The following SLC4A10 variants were observed in gnomAD, a reference collection of about 807,000 sequenced individuals.
SLC4A10 encodes solute carrier family 4 member 10.
In SLC4A10, 42 loss-of-function variants were observed where a neutral mutation model predicts 137.7. The ratio of observed to expected loss-of-function variants is 0.30; its 90% CI spans 0.24 to 0.39. SLC4A10 has a LOEUF of 0.39. Ranked by LOEUF, SLC4A10 falls within the 10% of genes least tolerant of loss-of-function variation. The probability of loss-of-function intolerance (pLI) is 1.00; values close to 1 mark genes in which losing one functional copy is unlikely to be tolerated. For synonymous variants in SLC4A10, 474 were observed against 464.1 expected, an observed-to-expected ratio of 1.02 and a Z score of -0.27; for missense variants, 925 against 1,355.0, an observed-to-expected ratio of 0.68 and a Z score of 4.98.
intron 4 of SLC4A10, among the ~76,000 whole-genome samples, chr2:161,848,894 A>G (rs115797153): frequency 6.6e-6 from 1 of 151,762 alleles, no homozygotes; most frequent in Non-Finnish European, 1.5e-5. Flanking sequence ...GAATTTTAGA[A>G]TTTTTTTCTA....
chr2:161,630,401 T>A (rs886475842), intron 1 of SLC4A10, among the ~76,000 whole-genome samples: 1 of 79,048 alleles, frequency 1.3e-5, no homozygotes, highest in African/African-American at 4.8e-5. Flanking sequence ...TTTTGGAAGG[T>A]TATTCATTGT....
At position 161,928,929 on chromosome 2, in the gene SLC4A10, C is replaced by T. The variant is rs548230180; in HGVS notation, c.1998-13863C>T. On this transcript the variant is annotated intron_variant, in intron 15 of 26. Transcript: ENST00000446997. ...GTACATGGAGGTATTCACATATCTA[C>T]GATAGTGCTATCTTTCTCCCTCGTT... 1.4e-4 allele frequency among the ~76,000 whole-genome samples: 22 copies of T among 152,240 alleles called. No homozygotes were observed. The East Asian group carries it at 2.1e-3, about 15-fold the overall frequency.
chr2:161,855,348 A>G (rs2060041750), intron 5 of SLC4A10, among the ~76,000 whole-genome samples: 1 of 152,160 alleles, frequency 6.6e-6, no homozygotes, highest in Admixed American at 6.6e-5. Flanking sequence ...AGTCTAGGAC[A>G]AGAACCTAGA....
chr2:161,835,478 A>G (rs999935475), intron 3 of SLC4A10, among the ~76,000 whole-genome samples: 1 of 152,090 alleles, frequency 6.6e-6, no homozygotes, highest in Admixed American at 6.5e-5. Context: ...GCTTCAGACG[A>G]TTTCGGAGAG....
At chr2:161,943,862 A>G (rs13022438) in intron 16 of SLC4A10, among the ~76,000 whole-genome samples, 40,668 of 151,836 alleles carry the variant, frequency 0.27, 6,967 homozygotes, top group Admixed American at 0.39. Context: ...TTGTACAGAT[A>G]CTATAAAACT....
intron 1 of SLC4A10, among the ~76,000 whole-genome samples, chr2:161,729,520 TA>T (rs934129767): frequency 5.3e-5 from 8 of 152,082 alleles, no homozygotes; most frequent in South Asian, 2.1e-4. Context: ...AAGTTTTTTT[TA>T]AAAAAAATTG....
At chr2:161,847,084 A>C (rs1399444114) in intron 4 of SLC4A10, among the ~76,000 whole-genome samples, 2 of 119,880 alleles carry the variant, frequency 1.7e-5, no homozygotes, top group Non-Finnish European at 3.5e-5. Context: ...TTAAAAAAAT[A>C]CAAAAAAAAA....
rs942236501 is a variant in SLC4A10, at chr2:161,983,524, C to T, written c.*372C>T. 4 of 341,184 alleles carry T rather than the reference C, an allele frequency of 1.2e-5. No homozygotes were observed. The highest frequency in any genetic ancestry group is 8.5e-5 in the African/African-American group (4 of 46,882). The allele number at this position is 341,184 out of a possible 1,614,324, so 21.1% of individuals were successfully genotyped here. A position where few individuals can be genotyped will look rare whatever the true frequency, so the allele number is the denominator to read the frequency against. On this transcript the variant is annotated 3_prime_UTR_variant, in exon 27 of 27. Transcript: ENST00000446997. Reference sequence around the variant, plus strand: ...ATTGTCAGTTTTATGAGAGCAATAGCTTCCTTAAAGAGATAAGTCATATTT... The same window carrying T: ...ATTGTCAGTTTTATGAGAGCAATAGTTTCCTTAAAGAGATAAGTCATATTT...
intron 3 of SLC4A10, among the ~76,000 whole-genome samples, chr2:161,811,693 T>C (rs1484170528): frequency 6.6e-6 from 1 of 152,058 alleles, no homozygotes; most frequent in Non-Finnish European, 1.5e-5. Context: ...GGAAAATATA[T>C]CATCAGAAAG....
intron 3 of SLC4A10, among the ~76,000 whole-genome samples, chr2:161,806,798 C>T (rs1436346523): frequency 6.6e-6 from 1 of 152,144 alleles, no homozygotes; most frequent in Non-Finnish European, 1.5e-5. Context: ...CTTCTGACCC[C>T]TCCAAACTGT....
At chr2:161,840,330 A>T (rs2059104847) in intron 4 of SLC4A10, among the ~76,000 whole-genome samples, 1 of 152,222 alleles carries the variant, frequency 6.6e-6, no homozygotes, top group African/African-American at 2.4e-5. Flanking sequence ...CTTTATGTAC[A>T]GTCCTGGATT....
intron 4 of SLC4A10, among the ~76,000 whole-genome samples, chr2:161,849,253 G>T (rs1444915346): frequency 1.3e-5 from 2 of 151,824 alleles, no homozygotes; most frequent in Non-Finnish European, 2.9e-5. Context: ...ATTGATTTTT[G>T]TATCTTAAAA....
chr2:161,847,256 T>C lies in SLC4A10; in HGVS notation c.416+7329T>C, dbSNP rs193046733. On this transcript the variant is annotated intron_variant, in intron 4 of 26. Transcript: ENST00000446997. ...AGACTATGTCTCAAAAAAGTTTTTT[T>C]TAATGCATAGAACTGCACACACACA... 1.6e-3 allele frequency among the ~76,000 whole-genome samples: 238 copies of C among 151,488 alleles called. 1 individual carries two copies. The highest frequency in any genetic ancestry group is 5.5e-3 in the African/African-American group (226 of 41,248).
chr2:161,983,371 G>A lies in SLC4A10; in HGVS notation c.*219G>A, dbSNP rs1700481852. The stretch of plus-strand genomic sequence containing the variant: ...AATCCACCTTCATACTGTAAGTAGT[G>A]CAATACTTGTTTCATTTCTGTGTTT... On this transcript the variant is annotated 3_prime_UTR_variant, in exon 27 of 27. Coordinates refer to ENST00000446997, the MANE Select transcript of SLC4A10 (RefSeq NM_001178015.2). 2 of 762,920 alleles carry A rather than the reference G, an allele frequency of 2.6e-6. No individual in the cohort carries two copies. The highest frequency in any genetic ancestry group is 2.1e-6 in the Non-Finnish European group (1 of 481,950). The allele number at this position is 762,920 out of a possible 1,614,324, so 47.3% of individuals were successfully genotyped here. A position where few individuals can be genotyped will look rare whatever the true frequency, so the allele number is the denominator to read the frequency against.
At chr2:161,785,984 G>A (rs1187405373) in intron 2 of SLC4A10, among the ~76,000 whole-genome samples, 3 of 151,890 alleles carry the variant, frequency 2.0e-5, no homozygotes, top group Admixed American at 2.0e-4. Context: ...TTAGTTTTCT[G>A]CTTTAATGAT....
chr2:161,630,669 G>A (rs143640581), intron 1 of SLC4A10, among the ~76,000 whole-genome samples: 23 of 151,732 alleles, frequency 1.5e-4, no homozygotes, highest in African/African-American at 5.3e-4. Flanking sequence ...TACTAGCATA[G>A]CATCAACGGC....
rs189304894 is a variant in SLC4A10, at chr2:161,714,678, G to A, written c.49-56295G>A. 2.3e-3 allele frequency among the ~76,000 whole-genome samples: 352 copies of A among 152,044 alleles called. 2 individuals are homozygous for A. The highest frequency in any genetic ancestry group is 0.017 in the Middle Eastern group (5 of 294). On this transcript the variant is annotated intron_variant, in intron 1 of 26. Coordinates refer to ENST00000446997, the MANE Select transcript of SLC4A10 (RefSeq NM_001178015.2). ...TGGAGGAAAGCTGTATACCACAGTA[G>A]CAAGGAGCTAGGGCTCCAGAGCGGG...
chr2:161,651,467 C>T (rs1221015423), intron 1 of SLC4A10, among the ~76,000 whole-genome samples: 1 of 152,208 alleles, frequency 6.6e-6, no homozygotes, highest in Non-Finnish European at 1.5e-5. Flanking sequence ...GCAACATGCC[C>T]CCCTGCTTGC....
At chr2:161,880,025 A>G (rs73971399) in intron 9 of SLC4A10, among the ~76,000 whole-genome samples, 2,040 of 152,272 alleles carry the variant, frequency 0.013, 45 homozygotes, top group African/African-American at 0.046. Flanking sequence ...AAGGAAACAC[A>G]GAATATTGAC....
Sources: allele counts gnomAD v4.1 joint callset (sites outside exome capture counted in the v4.1 genomes callset), GRCh38; gene constraint gnomAD v4.1.1; transcripts MANE v1.5; gene names NCBI Gene and HGNC (gene_info 2026-07-23, HGNC 2026-07-21).